The following SNTB2 variants were observed in gnomAD, a reference collection of about 807,000 sequenced individuals.
SNTB2 encodes the protein syntrophin beta 2.
In SNTB2, 34 loss-of-function variants were observed where a neutral mutation model predicts 46.2. The observed-to-expected ratio is 0.74, with a 90% CI of 0.56 to 0.98. The LOEUF (loss-of-function observed/expected upper bound fraction) is 0.98, where lower values mean the gene tolerates loss of function less well. SNTB2 is among the 50% of genes least tolerant of loss of function. The pLI, the probability that SNTB2 is intolerant of heterozygous loss-of-function variation, is 0.00. For missense variants in SNTB2, 603 were observed against 731.4 expected, an observed-to-expected ratio of 0.82 and a Z score of 2.02; for synonymous variants, 290 against 312.6, an observed-to-expected ratio of 0.93 and a Z score of 0.76.
At chr16:69,287,375 G>T (rs1291134556) in intron 5 of SNTB2, among the ~76,000 whole-genome samples, 1 of 151,900 alleles carries the variant, frequency 6.6e-6, no homozygotes, top group Non-Finnish European at 1.5e-5. Flanking sequence ...TTCCAAACTA[G>T]CCTGGCCAAC....
rs756078722 is a variant in SNTB2 at position 69,211,157 on chromosome 16, C to A, written c.580+23411C>A. On this transcript the variant is annotated intron_variant, in intron 1 of 6. Transcript: ENST00000336278. ...AATTTAATGGGCTGATTAAAAAAAACCCCAATAAATATAAAATTGTTTGAA... is the reference window on the plus strand; with the variant it reads ...AATTTAATGGGCTGATTAAAAAAAAACCCAATAAATATAAAATTGTTTGAA... Among the ~76,000 whole-genome samples the A allele has an allele frequency of 7.9e-5, 12 of 151,552 alleles. 1 individual carries two copies. Among genetic ancestry groups the A allele is most frequent in the African/African-American group, 2.4e-4 (10 of 41,344 alleles).
At chr16:69,257,126 G>A (rs1191583882) in intron 2 of SNTB2, among the ~76,000 whole-genome samples, 1 of 150,218 alleles carries the variant, frequency 6.7e-6, no homozygotes, top group Non-Finnish European at 1.5e-5. Flanking sequence ...AGCTGAGATC[G>A]TGCCACTGTA....
chr16:69,242,793 G>A (rs543963791), intron 1 of SNTB2, among the ~76,000 whole-genome samples: 13 of 152,258 alleles, frequency 8.5e-5, no homozygotes, highest in East Asian at 5.8e-4. Flanking sequence ...AGGCCAAGGC[G>A]GGTGGATCAC....
At position 69,305,685 on chromosome 16, in the gene SNTB2, T is replaced by G. The variant is rs1965310840; in HGVS notation, c.*4761T>G. ...TATATATCTCTGTCAGGTATGACAT[T>G]AATTACCAGGTGGTATTATACTCTA... On this transcript the variant is annotated 3_prime_UTR_variant, in exon 7 of 7. Coordinates refer to ENST00000336278, the MANE Select transcript of SNTB2 (RefSeq NM_006750.4). 6.6e-6 allele frequency: 1 copy of G among 152,218 alleles called. No individual in the cohort carries two copies. Among genetic ancestry groups the G allele is most frequent in the South Asian group, 2.1e-4 (1 of 4,832 alleles). The allele number at this position is 152,218 out of a possible 1,614,324, so 9.4% of individuals were successfully genotyped here.
chr16:69,291,876 C>A (rs1329663101), intron 5 of SNTB2, among the ~76,000 whole-genome samples: 1 of 151,796 alleles, frequency 6.6e-6, no homozygotes, highest in Non-Finnish European at 1.5e-5. Flanking sequence ...CAGGTCCAGG[C>A]TGCAGCACTG....
At chr16:69,258,998 A>G (rs1964806605) in intron 2 of SNTB2, among the ~76,000 whole-genome samples, 1 of 152,152 alleles carries the variant, frequency 6.6e-6, no homozygotes, top group South Asian at 2.1e-4. Flanking sequence ...ACTTTATACC[A>G]GAATTTCCTA....
chr16:69,221,971 G>A (rs900749344), intron 1 of SNTB2, among the ~76,000 whole-genome samples: 6 of 152,152 alleles, frequency 3.9e-5, no homozygotes, highest in Non-Finnish European at 8.8e-5. Context: ...TTGCAAAATA[G>A]CACAAAGCTT....
chr16:69,275,496 A>C (rs959715539), intron 4 of SNTB2, among the ~76,000 whole-genome samples: 1 of 152,234 alleles, frequency 6.6e-6, no homozygotes, highest in Non-Finnish European at 1.5e-5. Flanking sequence ...CCATGTTGGC[A>C]AGGTAGAATT....
intron 3 of SNTB2, among the ~76,000 whole-genome samples, chr16:69,266,157 G>C (rs1359208836): frequency 3.3e-5 from 5 of 152,146 alleles, no homozygotes; most frequent in Non-Finnish European, 7.4e-5. Flanking sequence ...CTGAAGTCAG[G>C]AGTTCGAGAC....
At chr16:69,225,134 C>G (rs1175910758) in intron 1 of SNTB2, among the ~76,000 whole-genome samples, 6 of 152,192 alleles carry the variant, frequency 3.9e-5, no homozygotes, top group Non-Finnish European at 5.9e-5. Flanking sequence ...CAGTAACTTA[C>G]AGGATTTCTT....
chr16:69,252,357 G>A (rs1964735030), intron 2 of SNTB2, among the ~76,000 whole-genome samples: 1 of 152,102 alleles, frequency 6.6e-6, no homozygotes, highest in African/African-American at 2.4e-5. Context: ...TCTGGAAAGC[G>A]AACACTTATT....
At chr16:69,211,764 T>C (rs1231266150) in intron 1 of SNTB2, among the ~76,000 whole-genome samples, 1 of 152,226 alleles carries the variant, frequency 6.6e-6, no homozygotes, top group Non-Finnish European at 1.5e-5. Context: ...AAACACCTTA[T>C]ACTAATGTCC....
At chr16:69,267,499 A>G (rs1451153401) in intron 3 of SNTB2, among the ~76,000 whole-genome samples, 1 of 152,248 alleles carries the variant, frequency 6.6e-6, no homozygotes, top group Non-Finnish European at 1.5e-5. Flanking sequence ...TAGAGCTGAT[A>G]TTGTCCTTCC....
intron 4 of SNTB2, 73 bp downstream of exon 4, chr16:69,270,358 T>A: frequency 7.0e-6 from 11 of 1,569,704 alleles, no homozygotes; most frequent in Non-Finnish European, 9.6e-6. Context: ...TTAAAGTGAA[T>A]TCTGTTATCT....
intron 1 of SNTB2, among the ~76,000 whole-genome samples, chr16:69,192,024 G>A (rs900436860): frequency 2.0e-5 from 3 of 152,194 alleles, no homozygotes; most frequent in African/African-American, 7.2e-5. Context: ...GTGAGAGGTT[G>A]AAGAGATAGA....
At chr16:69,296,739 A>G (rs1411381897) in intron 5 of SNTB2, among the ~76,000 whole-genome samples, 2 of 149,728 alleles carry the variant, frequency 1.3e-5, no homozygotes, top group Non-Finnish European at 3.0e-5. Flanking sequence ...AAAAAGAAAA[A>G]AGAAATCTCA....
Position 69,207,830 on chromosome 16 carries a change from A to AG in SNTB2, c.580+20088dup, listed in dbSNP as rs1382216623. Among the ~76,000 whole-genome samples the AG allele has an allele frequency of 1.5e-5, 2 of 136,170 alleles. 1 individual carries two copies. The highest frequency in any genetic ancestry group is 5.4e-5 in the African/African-American group (2 of 37,240). 89.3% of individuals were successfully genotyped at this position (136,170 alleles called of 152,430 possible). On this transcript the variant is annotated intron_variant, in intron 1 of 6. Coordinates refer to ENST00000336278, the MANE Select transcript of SNTB2 (RefSeq NM_006750.4). The stretch of plus-strand genomic sequence containing the variant: ...CATGTAAAAATGAAAAAAATAGGCC[A>AG]GGGGTGGTGGCTTATGCCTGTAATC...
chr16:69,236,054 A>T (rs1307658416), intron 1 of SNTB2, among the ~76,000 whole-genome samples: 4 of 152,190 alleles, frequency 2.6e-5, no homozygotes, highest in African/African-American at 9.7e-5. Flanking sequence ...GAATCAATAT[A>T]AATAAGGACA....
At chr16:69,252,988 C>T (rs971256972) in intron 2 of SNTB2, among the ~76,000 whole-genome samples, 1 of 151,576 alleles carries the variant, frequency 6.6e-6, no homozygotes, top group Admixed American at 6.6e-5. Flanking sequence ...CAAGCTCCAC[C>T]TCCCGGGTTC....
Sources: allele counts gnomAD v4.1 joint callset (sites outside exome capture counted in the v4.1 genomes callset), GRCh38; gene constraint gnomAD v4.1.1; transcripts MANE v1.5; gene names NCBI Gene and HGNC (gene_info 2026-07-23, HGNC 2026-07-21).